The following WDPCP variants were observed in gnomAD, a reference collection of about 807,000 sequenced individuals.
The protein encoded by WDPCP is WD repeat-containing and planar cell polarity effector protein fritz homolog.
In WDPCP, 71 loss-of-function variants were observed where a neutral mutation model predicts 93.1. The observed-to-expected ratio is 0.76, with a 90% CI of 0.63 to 0.93. The LOEUF is 0.93. WDPCP is among the 40% of genes least tolerant of loss of function. The probability of loss-of-function intolerance (pLI) is 0.00; values close to 1 mark genes in which losing one functional copy is unlikely to be tolerated. For missense variants in WDPCP, 844 were observed against 887.4 expected, an observed-to-expected ratio of 0.95 and a Z score of 0.62; for synonymous variants, 315 against 315.0, an observed-to-expected ratio of 1.00 and a Z score of 0.00.
chr2:63,657,054 G>C (rs1710175319), intron 2 of WDPCP, among the ~76,000 whole-genome samples: 1 of 152,178 alleles, frequency 6.6e-6, no homozygotes, highest in Non-Finnish European at 1.5e-5. Context: ...AGTGGAGTTA[G>C]TGACAGAGTG....
At chr2:63,156,568 T>G (rs563563539) in intron 15 of WDPCP, among the ~76,000 whole-genome samples, 52 of 151,998 alleles carry the variant, frequency 3.4e-4, no homozygotes, top group African/African-American at 1.2e-3. Flanking sequence ...AAACCCCATC[T>G]CTACTAAAAA....
chr2:63,494,824 G>A (rs1198927296), intron 1 of WDPCP, among the ~76,000 whole-genome samples: 1 of 151,714 alleles, frequency 6.6e-6, no homozygotes, highest in Non-Finnish European at 1.5e-5. Flanking sequence ...GGAGGCTGAG[G>A]CAGGAGAATG....
At chr2:63,402,154 AT>A (rs1694198863) in intron 10 of WDPCP, among the ~76,000 whole-genome samples, 1 of 152,246 alleles carries the variant, frequency 6.6e-6, no homozygotes, top group Admixed American at 6.5e-5. Flanking sequence ...GAATGAGATC[AT>A]GTCCTTTGCC....
intron 2 of WDPCP, among the ~76,000 whole-genome samples, chr2:63,669,574 G>T (rs1172512071): frequency 6.6e-6 from 1 of 151,966 alleles, no homozygotes; most frequent in Non-Finnish European, 1.5e-5. Context: ...TGGCCAGGCT[G>T]GTCTTGAACT....
At chr2:63,139,735 G>A (rs1363952590) in intron 17 of WDPCP, among the ~76,000 whole-genome samples, 1 of 152,156 alleles carries the variant, frequency 6.6e-6, no homozygotes, top group Non-Finnish European at 1.5e-5. Context: ...TGTATAGATT[G>A]TGAAGATTTT....
At chr2:63,352,291 A>C (rs1689689183) in intron 12 of WDPCP, among the ~76,000 whole-genome samples, 2 of 151,958 alleles carry the variant, frequency 1.3e-5, no homozygotes, top group African/African-American at 4.8e-5. Context: ...GCACTTGTCT[A>C]TTTTTGTTTT....
chr2:63,126,208 A>T (rs1669891552), intron 17 of WDPCP, among the ~76,000 whole-genome samples: 1 of 152,206 alleles, frequency 6.6e-6, no homozygotes, highest in Non-Finnish European at 1.5e-5. Flanking sequence ...TGCTGGGATT[A>T]CAGGTGTAAG....
intron 10 of WDPCP, among the ~76,000 whole-genome samples, chr2:63,390,015 G>C (rs1403653797): frequency 2.0e-5 from 3 of 152,138 alleles, no homozygotes; most frequent in African/African-American, 7.2e-5. Flanking sequence ...AGGATATCCA[G>C]GACTTGAACT....
In WDPCP at chr2:63,440,677, T is replaced by C. The variant is rs527772652; in HGVS notation, c.385-806A>G. On this transcript the variant is annotated intron_variant, in intron 6 of 17. Coordinates refer to ENST00000272321, the MANE Select transcript of WDPCP (RefSeq NM_015910.7). The stretch of plus-strand genomic sequence containing the variant: ...TGCGTATGCTTGTTATCTATGAGAT[T>C]ATGAAATATCAACATTGGAAGAAAT... The C allele has an allele frequency of 2.0e-5, 3 of 152,600 alleles. No individual in the cohort carries two copies. In the South Asian group the frequency reaches 6.2e-4, roughly 32 times the overall value. The allele number at this position is 152,600 out of a possible 1,614,324, so 9.5% of individuals were successfully genotyped here. A position where few individuals can be genotyped will look rare whatever the true frequency, so the allele number is the denominator to read the frequency against.
intron 12 of WDPCP, among the ~76,000 whole-genome samples, chr2:63,377,482 T>C (rs1691942003): frequency 6.6e-6 from 1 of 151,278 alleles, no homozygotes; most frequent in Admixed American, 6.6e-5. Flanking sequence ...CATATGTATA[T>C]GTATGTGTAT....
chr2:63,546,173 A>C lies in WDPCP; in HGVS notation c.75+42024T>G, dbSNP rs1369571898. Among the ~76,000 whole-genome samples, 77 of 152,202 alleles carry C rather than the reference A, an allele frequency of 5.1e-4. 1 individual carries two copies. Among genetic ancestry groups the C allele is most frequent in the Admixed American group, 5.0e-3 (77 of 15,264 alleles). ...GTAATTAGCTCCTCTGATCAGCAAA[A>C]TGGAGAAATGGGGTAACACTCATTA... On this transcript the variant is annotated intron_variant, in intron 1 of 17. Coordinates refer to ENST00000272321, the MANE Select transcript of WDPCP (RefSeq NM_015910.7).
intron 1 of WDPCP, among the ~76,000 whole-genome samples, chr2:63,520,458 G>A (rs1702842652): frequency 6.6e-6 from 1 of 152,088 alleles, no homozygotes; most frequent in Admixed American, 6.5e-5. Context: ...AGGTCAAAAT[G>A]AAAGAAAAAA....
intron 3 of WDPCP, among the ~76,000 whole-genome samples, chr2:63,647,086 T>G (rs537950716): frequency 6.6e-6 from 1 of 152,102 alleles, no homozygotes; most frequent in African/African-American, 2.4e-5. Flanking sequence ...TAGGTGTGCT[T>G]CATTGTTTTT....
intron 9 of WDPCP, among the ~76,000 whole-genome samples, chr2:63,420,649 C>T (rs1267699351): frequency 6.6e-6 from 1 of 152,098 alleles, no homozygotes; most frequent in African/African-American, 2.4e-5. Context: ...GTATTTAATC[C>T]TATGCATACT....
At chr2:63,238,556 G>C (rs958151052) in intron 14 of WDPCP, among the ~76,000 whole-genome samples, 2 of 152,030 alleles carry the variant, frequency 1.3e-5, no homozygotes, top group Admixed American at 1.3e-4. Context: ...TCTGATTTGA[G>C]ATGTACCCTA....
At chr2:63,810,523 C>T (rs965330784) in intron 2 of WDPCP, among the ~76,000 whole-genome samples, 14 of 152,106 alleles carry the variant, frequency 9.2e-5, no homozygotes, top group African/African-American at 2.9e-4. Context: ...AGATGACAGG[C>T]ATTGGAGGGA....
chr2:63,512,158 T>G (rs1396123647), intron 1 of WDPCP, among the ~76,000 whole-genome samples: 1 of 152,164 alleles, frequency 6.6e-6, no homozygotes, highest in African/African-American at 2.4e-5. Flanking sequence ...CATCACTGGT[T>G]ATCAAACAAA....
rs146316177 is a variant in WDPCP at position 63,532,521 on chromosome 2, C to T, written c.76-39581G>A. On this transcript the variant is annotated intron_variant, in intron 1 of 17. Transcript: ENST00000272321. Reference sequence around the variant, plus strand: ...TTAACAGCGGATCTCTCAGCAGAAACTCTACAAGCCAGAATACAGTGGGGG... The same window carrying T: ...TTAACAGCGGATCTCTCAGCAGAAATTCTACAAGCCAGAATACAGTGGGGG... 2.8e-3 allele frequency among the ~76,000 whole-genome samples: 425 copies of T among 152,322 alleles called. 2 individuals carry two copies. Among genetic ancestry groups the T allele is most frequent in the Non-Finnish European group, 4.0e-3 (272 of 68,028 alleles).
chr2:63,575,417 C>T (rs1267667814), intron 1 of WDPCP, among the ~76,000 whole-genome samples: 2 of 100,752 alleles, frequency 2.0e-5, no homozygotes, highest in South Asian at 2.6e-4. Context: ...ACAGTATATA[C>T]ACTGTATACA....
Sources: allele counts gnomAD v4.1 joint callset (sites outside exome capture counted in the v4.1 genomes callset), GRCh38; gene constraint gnomAD v4.1.1; transcripts MANE v1.5; gene names NCBI Gene and HGNC (gene_info 2026-07-23, HGNC 2026-07-21).